Variants in DLG2 observed in about 807,000 individuals in gnomAD.
DLG2 encodes the protein disks large homolog 2.
A neutral mutation model predicts 132.5 loss-of-function variants in DLG2; 45 were observed. The observed-to-expected ratio is 0.34, with a 90% confidence interval of 0.27 to 0.44. DLG2 has a LOEUF of 0.44. Ranked by LOEUF, DLG2 falls within the 20% of genes least tolerant of loss-of-function variation. The probability of loss-of-function intolerance (pLI) is 1.00; values close to 1 mark genes in which losing one functional copy is unlikely to be tolerated. For synonymous variants in DLG2, 424 were observed against 419.6 expected, an observed-to-expected ratio of 1.01 and a Z score of -0.13; for missense variants, 1,045 against 1,196.9, an observed-to-expected ratio of 0.87 and a Z score of 1.87.
intron 8 of DLG2, among the ~76,000 whole-genome samples, chr11:84,238,315 G>A (rs1277977792): frequency 1.3e-5 from 2 of 152,060 alleles, no homozygotes; most frequent in Non-Finnish European, 2.9e-5. Context: ...GGGAATTCAA[G>A]ACCAGCCTGG....
intron 6 of DLG2, among the ~76,000 whole-genome samples, chr11:84,716,067 A>C (rs548137867): frequency 5.9e-5 from 9 of 152,172 alleles, no homozygotes; most frequent in Non-Finnish European, 1.0e-4. Flanking sequence ...ACCCTTGACA[A>C]CACTGGTTAC....
At chr11:83,876,466 T>C (rs1025774016) in intron 15 of DLG2, among the ~76,000 whole-genome samples, 8 of 152,060 alleles carry the variant, frequency 5.3e-5, no homozygotes, top group Admixed American at 2.6e-4. Context: ...TTTACAAGCA[T>C]ATAAAATAAA....
intron 6 of DLG2, among the ~76,000 whole-genome samples, chr11:84,905,416 A>G (rs1195039902): frequency 6.6e-6 from 1 of 152,180 alleles, no homozygotes; most frequent in Non-Finnish European, 1.5e-5. Context: ...CTATGACTTA[A>G]CACAATACAC....
At chr11:83,887,353 A>C (rs1222863567) in intron 15 of DLG2, among the ~76,000 whole-genome samples, 2 of 152,038 alleles carry the variant, frequency 1.3e-5, no homozygotes, top group African/African-American at 4.8e-5. Flanking sequence ...ATCTAGAAGA[A>C]ATGGATAAAT....
At chr11:85,490,478 C>A (rs1235171092) in intron 3 of DLG2, among the ~76,000 whole-genome samples, 2 of 151,538 alleles carry the variant, frequency 1.3e-5, no homozygotes, top group Non-Finnish European at 2.9e-5. Flanking sequence ...ACAAAAAAAT[C>A]TTAATAATAT....
Position 85,135,793 on chromosome 11 carries a change from G to A in DLG2, c.282+18763C>T, listed in dbSNP as rs566238641. On this transcript the variant is annotated intron_variant, in intron 5 of 27. Coordinates refer to ENST00000376104, the MANE Select transcript of DLG2 (RefSeq NM_001142699.3). ...TCTCATTCATTCAACAAATATACTT[G>A]AGAATCTACTTATGTGGAAACACAA... Among the ~76,000 whole-genome samples the A allele has an allele frequency of 7.0e-4, 106 of 152,218 alleles. 1 individual carries two copies. The highest frequency in any genetic ancestry group is 2.5e-3 in the African/African-American group (102 of 41,536).
chr11:85,506,043 T>C (rs2093924332), intron 3 of DLG2, among the ~76,000 whole-genome samples: 1 of 152,238 alleles, frequency 6.6e-6, no homozygotes, highest in Admixed American at 6.5e-5. Flanking sequence ...GTAGTTTGTA[T>C]TTCTGTGGGA....
chr11:84,174,732 G>C (rs971704229), intron 8 of DLG2, among the ~76,000 whole-genome samples: 1 of 152,058 alleles, frequency 6.6e-6, no homozygotes, highest in Non-Finnish European at 1.5e-5. Flanking sequence ...AGACTGTCTT[G>C]TCCATCGAAT....
chr11:84,793,586 CATTGGCTGCATAT>C (rs1305847726), intron 6 of DLG2, among the ~76,000 whole-genome samples: 1 of 152,138 alleles, frequency 6.6e-6, no homozygotes, highest in Non-Finnish European at 1.5e-5. Context: ...GGTGCTCAAG[CATTGGCTGCATAT>C]ATATTCACAA....
chr11:85,016,996 T>C (rs1025406414), intron 6 of DLG2, among the ~76,000 whole-genome samples: 33 of 152,276 alleles, frequency 2.2e-4, no homozygotes, highest in Non-Finnish European at 4.3e-4. Context: ...TAAATTCTTA[T>C]CGAAAACAGC....
intron 3 of DLG2, among the ~76,000 whole-genome samples, chr11:85,377,590 C>T (rs1022527887): frequency 3.3e-5 from 5 of 151,690 alleles, no homozygotes; most frequent in South Asian, 2.1e-4. Flanking sequence ...AGGGATATAG[C>T]GGTTAAAAAA....
chr11:85,330,945 C>T (rs1343875251), intron 3 of DLG2, among the ~76,000 whole-genome samples: 1 of 152,036 alleles, frequency 6.6e-6, no homozygotes, highest in Non-Finnish European at 1.5e-5. Flanking sequence ...CCCATGTATA[C>T]TGAGTATTAC....
chr11:84,940,318 TC>T (rs1193670829), intron 6 of DLG2, among the ~76,000 whole-genome samples: 2 of 152,114 alleles, frequency 1.3e-5, no homozygotes, highest in African/African-American at 4.8e-5. Context: ...ACCTGGCTAA[TC>T]TTTTTGTATT....
chr11:83,569,116 G>A (rs2096756494), intron 19 of DLG2, among the ~76,000 whole-genome samples: 1 of 152,136 alleles, frequency 6.6e-6, no homozygotes, highest in Non-Finnish European at 1.5e-5. Flanking sequence ...TTGGGTGGTA[G>A]TATTCCTGAA....
chr11:83,819,219 C>A (rs1461486170), intron 17 of DLG2, among the ~76,000 whole-genome samples: 4 of 152,012 alleles, frequency 2.6e-5, no homozygotes, highest in Admixed American at 2.0e-4. Flanking sequence ...CCTGTAATCC[C>A]AGCACTTTGG....
chr11:85,211,300 G>A (rs72945980), intron 4 of DLG2, among the ~76,000 whole-genome samples: 3,894 of 152,130 alleles, frequency 0.026, 86 homozygotes, highest in East Asian at 0.093. Flanking sequence ...ATATATAAAC[G>A]AGTAATTATA....
intron 6 of DLG2, among the ~76,000 whole-genome samples, chr11:84,754,744 G>T (rs896944224): frequency 6.6e-6 from 1 of 152,170 alleles, no homozygotes; most frequent in African/African-American, 2.4e-5. Flanking sequence ...GAAACCCACA[G>T]AATGTGCAAA....
At chr11:83,773,370 A>G (rs953067184) in intron 18 of DLG2, among the ~76,000 whole-genome samples, 1 of 152,248 alleles carries the variant, frequency 6.6e-6, no homozygotes, top group African/African-American at 2.4e-5. Context: ...AAAGTCTTAT[A>G]CTTGTGCTAG....
chr11:85,590,787 C>T (rs1221010578), intron 3 of DLG2, among the ~76,000 whole-genome samples: 3 of 152,038 alleles, frequency 2.0e-5, no homozygotes, highest in African/African-American at 7.2e-5. Flanking sequence ...TTGCCAGCTA[C>T]CACATATTAG....
Sources: allele counts gnomAD v4.1 joint callset (sites outside exome capture counted in the v4.1 genomes callset), GRCh38; gene constraint gnomAD v4.1.1; transcripts MANE v1.5; gene names NCBI Gene and HGNC (gene_info 2026-07-23, HGNC 2026-07-21).